Variants in ABLIM1 observed in about 807,000 individuals in gnomAD.
ABLIM1 encodes actin binding LIM protein 1.
In ABLIM1, 40 loss-of-function variants were observed where a neutral mutation model predicts 107.0. That is an observed-to-expected ratio of 0.37 (90% confidence interval 0.29 to 0.49). The LOEUF (loss-of-function observed/expected upper bound fraction) is 0.49, where lower values mean the gene tolerates loss of function less well. Among genes scored for constraint, ABLIM1 ranks in the 20% least tolerant of loss-of-function variants. ABLIM1 has a pLI of 0.97. For missense variants in ABLIM1, 857 were observed against 1,008.5 expected, an observed-to-expected ratio of 0.85 and a Z score of 2.04; for synonymous variants, 357 against 357.3, an observed-to-expected ratio of 1.00 and a Z score of 0.01.
chr10:114,597,932 C>G (rs1196285348), intron 2 of ABLIM1, among the ~76,000 whole-genome samples: 2 of 152,138 alleles, frequency 1.3e-5, no homozygotes, highest in Non-Finnish European at 2.9e-5. Context: ...CTGTGCTGTC[C>G]AATACAGTAG....
chr10:114,635,741 C>T (rs991787581), intron 1 of ABLIM1, among the ~76,000 whole-genome samples: 3 of 152,202 alleles, frequency 2.0e-5, no homozygotes, highest in Non-Finnish European at 2.9e-5. Context: ...AGGCTGGTTT[C>T]GAACTCCTGA....
intron 1 of ABLIM1, among the ~76,000 whole-genome samples, chr10:114,674,886 T>G (rs1435982531): frequency 1.3e-5 from 2 of 152,126 alleles, no homozygotes; most frequent in African/African-American, 4.8e-5. Flanking sequence ...TGAAAGTTTG[T>G]GGGAGGCTGG....
intron 22 of ABLIM1, 136 bp downstream of exon 22, chr10:114,437,708 G>C (rs780540720): frequency 8.5e-6 from 6 of 708,598 alleles, no homozygotes; most frequent in Non-Finnish European, 1.4e-5. Context: ...TTATTTCTTA[G>C]TTCTACCTAT....
chr10:114,584,627 T>C (rs1456261058), intron 2 of ABLIM1, among the ~76,000 whole-genome samples: 1 of 152,208 alleles, frequency 6.6e-6, no homozygotes, highest in Admixed American at 6.5e-5. Flanking sequence ...TATCTTTTGC[T>C]AATGCATTGT....
Position 114,727,842 on chromosome 10 carries a change from C to T in ABLIM1, c.-213+40219G>A, listed in dbSNP as rs191558362. ...TGGTGGCTCATGCCTGTATTCCTAGCTACCCGGGAAGTCAAGGCTACAGTG... is the reference window on the plus strand; with the variant it reads ...TGGTGGCTCATGCCTGTATTCCTAGTTACCCGGGAAGTCAAGGCTACAGTG... On this transcript the variant is annotated intron_variant, in intron 1 of 15. Transcript: ENST00000651092. Among the ~76,000 whole-genome samples the T allele has an allele frequency of 6.6e-5, 10 of 152,156 alleles. No homozygotes were observed. In the East Asian group the frequency reaches 1.9e-3, roughly 29 times the overall value.
At chr10:114,540,741 G>A (rs895966752) in intron 6 of ABLIM1, among the ~76,000 whole-genome samples, 1 of 152,156 alleles carries the variant, frequency 6.6e-6, no homozygotes, top group Non-Finnish European at 1.5e-5. Flanking sequence ...CACACCTAGA[G>A]AGGCCTTAGG....
chr10:114,555,103 T>C (rs2068560737), intron 4 of ABLIM1, among the ~76,000 whole-genome samples: 1 of 152,188 alleles, frequency 6.6e-6, no homozygotes, highest in East Asian at 1.9e-4. Flanking sequence ...CTCTTCCCTT[T>C]AAAACATTGT....
intron 1 of ABLIM1, among the ~76,000 whole-genome samples, chr10:114,729,019 C>G (rs978304293): frequency 6.6e-6 from 1 of 152,094 alleles, no homozygotes; most frequent in African/African-American, 2.4e-5. Context: ...TAAGCAGGCA[C>G]CTTTCTAGGT....
chr10:114,637,713 A>C (rs2078551462), intron 1 of ABLIM1, among the ~76,000 whole-genome samples: 1 of 152,234 alleles, frequency 6.6e-6, no homozygotes, highest in Non-Finnish European at 1.5e-5. Flanking sequence ...ACAAAAAATA[A>C]ATCATTTTCC....
intron 1 of ABLIM1, among the ~76,000 whole-genome samples, chr10:114,755,204 C>A (rs2082602371): frequency 6.6e-6 from 1 of 152,194 alleles, no homozygotes; most frequent in African/African-American, 2.4e-5. Flanking sequence ...GCAAACCCTA[C>A]CGTGAACTGT....
intron 1 of ABLIM1, among the ~76,000 whole-genome samples, chr10:114,727,152 A>T (rs967700729): frequency 1.3e-5 from 2 of 152,192 alleles, no homozygotes; most frequent in African/African-American, 4.8e-5. Flanking sequence ...CCTTTTCTGA[A>T]GTGAGTCTGC....
chr10:114,737,621 A>AT (rs1405236270), intron 1 of ABLIM1, among the ~76,000 whole-genome samples: 1 of 152,140 alleles, frequency 6.6e-6, no homozygotes, highest in Non-Finnish European at 1.5e-5. Context: ...ATATCACTAA[A>AT]TTTTTTTCAA....
chr10:114,756,835 A>G (rs1477320684), intron 1 of ABLIM1, among the ~76,000 whole-genome samples: 1 of 152,150 alleles, frequency 6.6e-6, no homozygotes, highest in Non-Finnish European at 1.5e-5. Flanking sequence ...ATGCACTGGT[A>G]TCCTTCCTCT....
At chr10:114,746,449 A>G (rs2082386976) in intron 1 of ABLIM1, among the ~76,000 whole-genome samples, 1 of 152,180 alleles carries the variant, frequency 6.6e-6, no homozygotes, top group Non-Finnish European at 1.5e-5. Flanking sequence ...ATAGTATTCT[A>G]TTATGTACGT....
At chr10:114,513,632 G>T (rs1034431592) in intron 6 of ABLIM1, among the ~76,000 whole-genome samples, 1 of 152,144 alleles carries the variant, frequency 6.6e-6, no homozygotes, top group Admixed American at 6.5e-5. Flanking sequence ...GGTATGCTCA[G>T]GGTCAAGGTG....
chr10:114,663,392 G>C (rs919017782), intron 1 of ABLIM1, among the ~76,000 whole-genome samples: 1 of 152,166 alleles, frequency 6.6e-6, no homozygotes, highest in Admixed American at 6.5e-5. Flanking sequence ...CCTTGCCTTT[G>C]TCACCCTGTT....
intron 6 of ABLIM1, among the ~76,000 whole-genome samples, chr10:114,523,812 C>T (rs548240901): frequency 6.6e-6 from 1 of 152,288 alleles, no homozygotes; most frequent in South Asian, 2.1e-4. Context: ...TCATCAATGA[C>T]TGAGCAAATA....
rs1591462592 is a variant in ABLIM1 at position 114,593,406 on chromosome 10, A to T, written c.379+8421T>A. Among the ~76,000 whole-genome samples, 3 of 152,192 alleles carry T rather than the reference A, an allele frequency of 2.0e-5. No individual in the cohort carries two copies. In the East Asian group the frequency reaches 5.8e-4, roughly 29 times the overall value. ...ATCAGAAACAAAAGAATCACAGCAC[A>T]GCAGGCAGCATGAGTTTTGTATTTG... On this transcript the variant is annotated intron_variant, in intron 2 of 22. Coordinates refer to ENST00000533213, the MANE Select transcript of ABLIM1 (RefSeq NM_002313.7).
intron 7 of ABLIM1, among the ~76,000 whole-genome samples, chr10:114,488,790 A>T (rs368894618): frequency 6.6e-6 from 1 of 152,222 alleles, no homozygotes; most frequent in African/African-American, 2.4e-5. Context: ...GCCTGCTCAT[A>T]TGATTTTGTA....
Sources: gnomAD v4.1 joint callset for allele counts (sites outside exome capture counted in the v4.1 genomes callset) on GRCh38, gnomAD v4.1.1 for gene constraint, MANE v1.5 for transcripts, NCBI Gene and HGNC (gene_info 2026-07-23, HGNC 2026-07-21) for gene names.